PRELID2: variants seen among roughly 807,000 people sequenced by gnomAD.
The protein encoded by PRELID2 is PRELI domain-containing protein 2.
PRELID2 carries 25 observed loss-of-function variants against 28.4 expected under a neutral mutation model. The observed-to-expected ratio is 0.88, with a 90% CI of 0.64 to 1.23. The LOEUF (loss-of-function observed/expected upper bound fraction) is 1.23, where lower values mean the gene tolerates loss of function less well. Ranked by LOEUF, PRELID2 falls within the 50% of genes most tolerant of loss-of-function variation. The probability of loss-of-function intolerance (pLI) is 0.00; values close to 1 mark genes in which losing one functional copy is unlikely to be tolerated. For missense variants in PRELID2, 201 were observed against 214.4 expected, an observed-to-expected ratio of 0.94 and a Z score of 0.39; for synonymous variants, 76 against 71.6, an observed-to-expected ratio of 1.06 and a Z score of -0.31.
chr5:145,514,966 A>G (rs531211563), intron 1 of PRELID2, among the ~76,000 whole-genome samples: 1 of 152,352 alleles, frequency 6.6e-6, no homozygotes, highest in Admixed American at 6.5e-5. Context: ...AATGAGAACA[A>G]AGATACAACG....
chr5:145,263,647 G>A, the PRELID2 span, among the ~76,000 whole-genome samples: 4 of 151,888 alleles, frequency 2.6e-5, no homozygotes, highest in Non-Finnish European at 5.9e-5. Flanking sequence ...AATAAAATGA[G>A]AGATATTACA....
At chr5:145,642,359 G>T (rs1024681023) in intron 1 of PRELID2, among the ~76,000 whole-genome samples, 1 of 152,156 alleles carries the variant, frequency 6.6e-6, no homozygotes, top group Non-Finnish European at 1.5e-5. Context: ...TTTTGAAGGG[G>T]TTGTTTGTTT....
At chr5:145,321,411 T>C in the PRELID2 span, among the ~76,000 whole-genome samples, 1 of 152,198 alleles carries the variant, frequency 6.6e-6, no homozygotes, top group African/African-American at 2.4e-5. Flanking sequence ...AAACTTCCTG[T>C]TCCACCTTCT....
intron 1 of PRELID2, among the ~76,000 whole-genome samples, chr5:145,707,922 C>T (rs1250185927): frequency 6.6e-6 from 1 of 152,178 alleles, no homozygotes; most frequent in Non-Finnish European, 1.5e-5. Context: ...TCAGCCCCCA[C>T]CCCACACAAT....
chr5:145,442,507 T>C, the PRELID2 span, among the ~76,000 whole-genome samples: 3 of 151,850 alleles, frequency 2.0e-5, no homozygotes, highest in Non-Finnish European at 2.9e-5. Flanking sequence ...ACACACAAGA[T>C]AGTGAAAGCT....
the PRELID2 span, among the ~76,000 whole-genome samples, chr5:145,271,460 C>G: frequency 6.6e-6 from 1 of 152,086 alleles, no homozygotes; most frequent in Non-Finnish European, 1.5e-5. Flanking sequence ...AAGTGATCCT[C>G]CTACCTCAGC....
chr5:145,765,026 A>C, intron 5 of PRELID2, 26 bp from the exon 6 acceptor site: 1 of 1,502,904 alleles, frequency 6.7e-7, no homozygotes, highest in Non-Finnish European at 9.2e-7. Flanking sequence ...AAAAAAATTA[A>C]AATGCCCTAT....
the PRELID2 span, among the ~76,000 whole-genome samples, chr5:145,339,907 C>T: frequency 1.3e-5 from 2 of 152,182 alleles, no homozygotes; most frequent in Admixed American, 1.3e-4. Flanking sequence ...AGGCTAGATA[C>T]TCCCACACAT....
chr5:145,505,373 T>C (rs944149400), intron 1 of PRELID2, among the ~76,000 whole-genome samples: 1 of 152,148 alleles, frequency 6.6e-6, no homozygotes, highest in Non-Finnish European at 1.5e-5. Flanking sequence ...ACATCTGAGT[T>C]GGACTGTAGC....
At chr5:145,261,020 G>C in the PRELID2 span, among the ~76,000 whole-genome samples, 80 of 152,298 alleles carry the variant, frequency 5.3e-4, no homozygotes, top group South Asian at 1.0e-3. Flanking sequence ...CTGCATGGGA[G>C]CTAGGTGAGG....
chr5:145,355,678 G>A, the PRELID2 span, among the ~76,000 whole-genome samples: 3 of 152,120 alleles, frequency 2.0e-5, no homozygotes, highest in East Asian at 1.9e-4. Flanking sequence ...CAGCATAAAG[G>A]CAGAGCAAAA....
chr5:145,764,630 G>C (rs1165290767), intron 6 of PRELID2, among the ~76,000 whole-genome samples: 1 of 152,122 alleles, frequency 6.6e-6, no homozygotes, highest in Non-Finnish European at 1.5e-5. Flanking sequence ...CAGTTAATCT[G>C]AGCTGCAGTC....
At chr5:145,615,235 C>T (rs1753677411) in intron 1 of PRELID2, among the ~76,000 whole-genome samples, 2 of 151,556 alleles carry the variant, frequency 1.3e-5, no homozygotes, top group Non-Finnish European at 2.9e-5. Context: ...CCCCTGCTCG[C>T]TTTTGGTCTC....
At chr5:145,373,989 G>A in the PRELID2 span, among the ~76,000 whole-genome samples, 1 of 144,816 alleles carries the variant, frequency 6.9e-6, no homozygotes, top group Admixed American at 7.1e-5. Flanking sequence ...TATTAATAAA[G>A]TTAGTATTAT....
At chr5:145,741,364 T>C (rs1467735291) in intron 1 of PRELID2, among the ~76,000 whole-genome samples, 2 of 116,736 alleles carry the variant, frequency 1.7e-5, no homozygotes, top group Non-Finnish European at 3.2e-5. Context: ...AATAATTTAT[T>C]TATATATAAA....
At chr5:145,817,202 A>ATAGATATATAT in intron 4 of PRELID2, among the ~76,000 whole-genome samples, 1 of 51,388 alleles carries the variant, frequency 1.9e-5, no homozygotes, top group African/African-American at 5.2e-5. Context: ...AAAAAAAATA[A>ATAGATATATAT]ATAAATAAAT....
the PRELID2 span, among the ~76,000 whole-genome samples, chr5:145,408,395 T>TTATATA: frequency 1.8e-3 from 239 of 129,252 alleles, 1 homozygote; most frequent in Middle Eastern, 8.5e-3. Context: ...TTAAAGAAAT[T>TTATATA]TATATATATA....
At chr5:145,280,814 A>T in the PRELID2 span, among the ~76,000 whole-genome samples, 1 of 151,846 alleles carries the variant, frequency 6.6e-6, no homozygotes, top group African/African-American at 2.4e-5. Context: ...AAAAAAAAAA[A>T]AAACAGATTG....
intron 1 of PRELID2, among the ~76,000 whole-genome samples, chr5:145,525,003 C>T (rs375510952): frequency 6.6e-6 from 1 of 152,188 alleles, no homozygotes; most frequent in East Asian, 1.9e-4. Flanking sequence ...GTAACCAGAA[C>T]CAATCCTAAT....
Sources: allele counts gnomAD v4.1 joint callset (sites outside exome capture counted in the v4.1 genomes callset), GRCh38; gene constraint gnomAD v4.1.1; transcripts MANE v1.5; gene names NCBI Gene and HGNC (gene_info 2026-07-23, HGNC 2026-07-21).